TMEM38B: variants seen among roughly 807,000 people sequenced by gnomAD.
The protein encoded by TMEM38B is trimeric intracellular cation channel type B.
TMEM38B carries 24 observed loss-of-function variants against 28.7 expected under a neutral mutation model. The observed-to-expected ratio is 0.84, with a 90% CI of 0.61 to 1.18. The LOEUF (loss-of-function observed/expected upper bound fraction) is 1.18, where lower values mean the gene tolerates loss of function less well. TMEM38B is among the 50% of genes most tolerant of loss of function. The pLI is 0.00. For synonymous variants in TMEM38B, 131 were observed against 127.7 expected (o/e 1.03, Z -0.17); for missense variants, 380 against 350.9 (o/e 1.08, Z -0.66).
intron 5 of TMEM38B, among the ~76,000 whole-genome samples, chr9:105,770,293 C>T (rs570615641): frequency 6.6e-6 from 1 of 152,218 alleles, no homozygotes; most frequent in South Asian, 2.1e-4. Context: ...AGGAGAGGTA[C>T]TAAGTTTGCA....
chr9:105,721,544 AC>A lies in TMEM38B; in HGVS notation c.278del (p.Thr93AsnfsTer8). On this transcript the variant is annotated frameshift_variant, in exon 3 of 6. Transcript: ENST00000374692. LOFTEE classifies it high-confidence loss of function. ...TTTACATTTCATTTTCAGGTATATT[AC>A]ATTTTTTTGCCCGCATGACCTAGTT... ...ILLASSIWYI[T>X]FFCPHDLVSQ... The A allele has an allele frequency of 4.4e-6, 7 of 1,594,702 alleles. No homozygotes were observed. Among genetic ancestry groups the A allele is most frequent in the Non-Finnish European group, 6.0e-6 (7 of 1,171,484 alleles).
chr9:105,713,255 C>G (rs1246706198), intron 2 of TMEM38B, among the ~76,000 whole-genome samples: 1 of 152,198 alleles, frequency 6.6e-6, no homozygotes, highest in Non-Finnish European at 1.5e-5. Context: ...GCAGGATCCC[C>G]ACTCCAAACC....
At chr9:105,736,376 A>G (rs1396599715) in intron 4 of TMEM38B, among the ~76,000 whole-genome samples, 1 of 151,020 alleles carries the variant, frequency 6.6e-6, no homozygotes, top group Non-Finnish European at 1.5e-5. Flanking sequence ...CTACTTTTCT[A>G]ATCTGCTATT....
chr9:105,717,569 A>G (rs1434805744), intron 2 of TMEM38B, among the ~76,000 whole-genome samples: 2 of 152,204 alleles, frequency 1.3e-5, no homozygotes, highest in Non-Finnish European at 2.9e-5. Flanking sequence ...AATCTCAGGA[A>G]TAGAGCTTAA....
chr9:105,728,517 T>C (rs1836611397), intron 4 of TMEM38B, among the ~76,000 whole-genome samples: 1 of 152,228 alleles, frequency 6.6e-6, no homozygotes, highest in Non-Finnish European at 1.5e-5. Flanking sequence ...GTTCCAAGTC[T>C]TTGCTATTAT....
Position 105,773,784 on chromosome 9 carries a change from AT to A in TMEM38B, c.661-73del, listed in dbSNP as rs573444240. On this transcript the variant is annotated intron_variant, in intron 5 of 5. Coordinates refer to ENST00000374692, the MANE Select transcript of TMEM38B (RefSeq NM_018112.3). ...CAGATTACATTAATAATGCATTTTG[AT>A]TTTTTTTCCTTTTGTTTCTCTCTCT... The A allele has an allele frequency of 3.7e-5, 52 of 1,392,526 alleles. No homozygotes were observed. In the Middle Eastern group the frequency reaches 6.2e-4, roughly 16 times the overall value. 86.3% of individuals were successfully genotyped at this position (1,392,526 alleles called of 1,614,324 possible). A position where few individuals can be genotyped will look rare whatever the true frequency, so the allele number is the denominator to read the frequency against.
intron 4 of TMEM38B, among the ~76,000 whole-genome samples, chr9:105,726,664 A>G (rs529706056): frequency 6.6e-6 from 1 of 152,278 alleles, no homozygotes; most frequent in Non-Finnish European, 1.5e-5. Flanking sequence ...GGCCAGCTGC[A>G]GTGGCTCATG....
intron 4 of TMEM38B, among the ~76,000 whole-genome samples, chr9:105,746,993 A>G (rs878966387): frequency 9.9e-5 from 15 of 151,994 alleles, no homozygotes; most frequent in Non-Finnish European, 1.3e-4. Context: ...TTTTATTGAG[A>G]ATTTTTGCAT....
At chr9:105,720,732 TAGAA>T (rs1487713410) in intron 2 of TMEM38B, among the ~76,000 whole-genome samples, 1 of 152,138 alleles carries the variant, frequency 6.6e-6, no homozygotes, top group Non-Finnish European at 1.5e-5. Flanking sequence ...TTTACCCCGT[TAGAA>T]AGAAGATATG....
intron 5 of TMEM38B, among the ~76,000 whole-genome samples, chr9:105,762,840 TC>T (rs1405567569): frequency 1.3e-5 from 2 of 149,110 alleles, no homozygotes; most frequent in African/African-American, 2.5e-5. Context: ...CACACTGACT[TC>T]CACAATGGTT....
chr9:105,736,129 G>C (rs542531288), intron 4 of TMEM38B, among the ~76,000 whole-genome samples: 13 of 151,206 alleles, frequency 8.6e-5, no homozygotes, highest in East Asian at 5.8e-4. Flanking sequence ...GCCTCAAGCA[G>C]CCCTCTCATT....
At chr9:105,750,675 T>C (rs1195226721) in intron 5 of TMEM38B, among the ~76,000 whole-genome samples, 1 of 152,184 alleles carries the variant, frequency 6.6e-6, no homozygotes, top group Non-Finnish European at 1.5e-5. Context: ...ATTTTCTCTT[T>C]TATTATGTAT....
chr9:105,707,036 C>T (rs1228257885), intron 2 of TMEM38B, among the ~76,000 whole-genome samples: 1 of 152,100 alleles, frequency 6.6e-6, no homozygotes, highest in Non-Finnish European at 1.5e-5. Flanking sequence ...TCTCAGCCTC[C>T]CAAAGTGCTG....
chr9:105,758,480 G>A, intron 5 of TMEM38B: 1 of 1,313,642 alleles, frequency 7.6e-7, no homozygotes, highest in Non-Finnish European at 1.1e-6. Flanking sequence ...CAGTGGATTG[G>A]CTTTATGACC....
chr9:105,732,927 C>T (rs1229644015), intron 4 of TMEM38B, among the ~76,000 whole-genome samples: 1 of 152,138 alleles, frequency 6.6e-6, no homozygotes. Flanking sequence ...AATATTGATT[C>T]TTCCTGTCCA....
chr9:105,772,612 T>C (rs188406644), intron 5 of TMEM38B, among the ~76,000 whole-genome samples: 1 of 152,108 alleles, frequency 6.6e-6, no homozygotes, highest in Non-Finnish European at 1.5e-5. Flanking sequence ...AGTCCTGATA[T>C]AAGCTATTTA....
chr9:105,737,928 C>T (rs1588438028), intron 4 of TMEM38B, among the ~76,000 whole-genome samples: 1 of 152,054 alleles, frequency 6.6e-6, no homozygotes, highest in Admixed American at 6.6e-5. Context: ...TGGAGTGGCT[C>T]CATAGCAGCT....
At position 105,759,168 on chromosome 9, in the gene TMEM38B, T is replaced by G. The variant is rs751441583; in HGVS notation, c.660+10978T>G. On this transcript the variant is annotated intron_variant, in intron 5 of 5. Transcript: ENST00000374692. ...AGATATATTCAGCACAATCACAGAT[T>G]ATTTTCTAGATCTCCTTGAACCTCT... 197 of 757,740 alleles carry G rather than the reference T, an allele frequency of 2.6e-4. 1 individual carries two copies. Among genetic ancestry groups the G allele is most frequent in the Non-Finnish European group, 4.5e-4 (183 of 409,496 alleles). 46.9% of individuals were successfully genotyped at this position (757,740 alleles called of 1,614,324 possible). A position where few individuals can be genotyped will look rare whatever the true frequency, so the allele number is the denominator to read the frequency against.
At chr9:105,699,495 T>G (rs1201520480) in intron 1 of TMEM38B, among the ~76,000 whole-genome samples, 1 of 152,222 alleles carries the variant, frequency 6.6e-6, no homozygotes, top group African/African-American at 2.4e-5. Flanking sequence ...ACCATTTATA[T>G]CGGATCTTTT....
Sources: allele counts gnomAD v4.1 joint callset (sites outside exome capture counted in the v4.1 genomes callset), GRCh38; gene constraint gnomAD v4.1.1; transcripts MANE v1.5; gene names NCBI Gene and HGNC (gene_info 2026-07-23, HGNC 2026-07-21).